The following ANKRD30A variants were observed in gnomAD, a reference collection of about 807,000 sequenced individuals.
The protein encoded by ANKRD30A is ankyrin repeat domain 30A, also known as ankyrin repeat domain-containing protein 30A.
ANKRD30A carries 170 observed loss-of-function variants against 166.3 expected under a neutral mutation model. The ratio of observed to expected loss-of-function variants is 1.02; its 90% CI spans 0.90 to 1.16. The LOEUF (loss-of-function observed/expected upper bound fraction) is 1.16, where lower values mean the gene tolerates loss of function less well. ANKRD30A is among the 50% of genes most tolerant of loss of function. ANKRD30A has a pLI of 0.00. For synonymous variants in ANKRD30A, 564 were observed against 508.9 expected, an observed-to-expected ratio of 1.11 and a Z score of -1.46; for missense variants, 1,630 against 1,518.0, an observed-to-expected ratio of 1.07 and a Z score of -1.23.
chr10:37,215,032 C>T (rs948017495), intron 31 of ANKRD30A, among the ~76,000 whole-genome samples: 11 of 151,422 alleles, frequency 7.3e-5, no homozygotes, highest in African/African-American at 2.7e-4. Context: ...CTTTCATCTC[C>T]GGCATTGTAA....
intron 13 of ANKRD30A, among the ~76,000 whole-genome samples, chr10:37,154,081 C>T (rs1838172890): frequency 6.6e-6 from 1 of 151,976 alleles, no homozygotes. Context: ...TATAAAGTGA[C>T]CTTCTAGTAT....
the ANKRD30A span, among the ~76,000 whole-genome samples, chr10:37,238,590 C>T: frequency 0.015 from 2,357 of 152,130 alleles, 26 homozygotes; most frequent in Middle Eastern, 0.045. Flanking sequence ...TGTTGAGAAA[C>T]GTGTTTGATA....
chr10:37,194,485 C>G (rs1490062816), intron 27 of ANKRD30A, among the ~76,000 whole-genome samples: 1 of 151,788 alleles, frequency 6.6e-6, no homozygotes, highest in Admixed American at 6.6e-5. Context: ...GGACTCCAGG[C>G]GCGTGCCACC....
chr10:37,149,686 A>C lies in ANKRD30A; in HGVS notation c.1572+7A>C. The C allele has an allele frequency of 6.2e-7, 1 of 1,612,410 alleles. No individual in the cohort carries two copies. The highest frequency in any genetic ancestry group is 1.7e-4 in the Middle Eastern group (1 of 6,052). On this transcript the variant is annotated splice_region_variant and intron_variant, in intron 10 of 35. Transcript: ENST00000361713. ...GAAGCCATCTGCCTTCAAGGTATTT[A>C]GTTTTATTATTTCATTTTGAATGAC... is the stretch of plus-strand genomic sequence containing the variant.
chr10:37,252,196 C>T, the ANKRD30A span, among the ~76,000 whole-genome samples: 4 of 152,126 alleles, frequency 2.6e-5, no homozygotes, highest in African/African-American at 9.7e-5. Context: ...GAAAAGAGAA[C>T]ATAGTTACCA....
intron 27 of ANKRD30A, among the ~76,000 whole-genome samples, chr10:37,193,963 G>A (rs1383901018): frequency 6.6e-6 from 1 of 152,144 alleles, no homozygotes; most frequent in African/African-American, 2.4e-5. Flanking sequence ...GGGAGAGAAA[G>A]GCAGACAGAT....
chr10:37,179,023 T>TATATATATATATATATATAA (rs1839967176), intron 24 of ANKRD30A, among the ~76,000 whole-genome samples: 1 of 18,158 alleles, frequency 5.5e-5, no homozygotes, highest in African/African-American at 1.5e-4. Context: ...AATATATATA[T>TATATATATATATATATATAA]ATATATATAT....
At position 37,141,817 on chromosome 10, in the gene ANKRD30A, C is replaced by T; in HGVS notation, c.920C>T (p.Ala307Val). 1 of 1,612,076 alleles carries T rather than the reference C, an allele frequency of 6.2e-7. No homozygotes were observed. Among genetic ancestry groups the T allele is most frequent in the Non-Finnish European group, 8.5e-7 (1 of 1,179,448 alleles). Residue 307 changes from alanine to valine, a missense_variant, in exon 7 of 36, where the codon GCA (alanine) becomes GTA (valine). Ala to Val is a moderately conservative substitution (Grantham distance 64). This residue lies in a region of ANKRD30A where 904 missense variants were observed against 818.5 expected (regional missense o/e 1.10). Coordinates refer to ENST00000361713, the MANE Select transcript of ANKRD30A (RefSeq NM_052997.3). ...SLVEKTPDEA[A>V]PLVERTPDTA... ...GTGGAAAAAACACCTGATGAGGCTG[C>T]ACCCTTGGTGGAAAGAACACCTGAC...
chr10:37,167,415 T>C (rs1245838115), intron 19 of ANKRD30A, among the ~76,000 whole-genome samples: 1 of 151,236 alleles, frequency 6.6e-6, no homozygotes, highest in Non-Finnish European at 1.5e-5. Flanking sequence ...AAAATTGCCA[T>C]TTTATAAAAC....
intron 25 of ANKRD30A, among the ~76,000 whole-genome samples, chr10:37,190,315 A>G (rs1220745454): frequency 6.6e-6 from 1 of 151,782 alleles, no homozygotes; most frequent in African/African-American, 2.4e-5. Context: ...CTGGGTTGCA[A>G]GAGGAGAGGC....
the ANKRD30A span, among the ~76,000 whole-genome samples, chr10:37,263,314 A>G: frequency 1.3e-5 from 2 of 152,048 alleles, no homozygotes; most frequent in African/African-American, 4.8e-5. Flanking sequence ...CAGTTATTCT[A>G]TGGACAAGGG....
chr10:37,255,230 A>G, the ANKRD30A span, among the ~76,000 whole-genome samples: 2 of 152,192 alleles, frequency 1.3e-5, no homozygotes, highest in Non-Finnish European at 2.9e-5. Context: ...TGTACACATG[A>G]ACATAGAGTG....
chr10:37,235,918 C>G (rs1004215568), downstream of ANKRD30A, among the ~76,000 whole-genome samples: 1 of 151,784 alleles, frequency 6.6e-6, no homozygotes. Flanking sequence ...TACAGGCGCC[C>G]GCCACCAAGC....
In ANKRD30A at chr10:37,217,600, A is replaced by G. The variant is rs886400690; in HGVS notation, c.3084-95A>G. ...AAAAATTCAAGAATATAGGAATTTT[A>G]TTGGACTAATAACCCAATATAGGAA... On this transcript the variant is annotated intron_variant, in intron 32 of 35. Transcript: ENST00000361713. 10 of 1,008,034 alleles carry G rather than the reference A, an allele frequency of 9.9e-6. No homozygotes were observed. In the Admixed American group the frequency reaches 3.3e-4, roughly 33 times the overall value. The allele number at this position is 1,008,034 out of a possible 1,614,324, so 62.4% of individuals were successfully genotyped here. A position where few individuals can be genotyped will look rare whatever the true frequency, so the allele number is the denominator to read the frequency against.
In ANKRD30A at chr10:37,142,131, G is replaced by T. The variant is rs1837185280; in HGVS notation, c.1234G>T (p.Gly412Ter). 1 of 1,613,808 alleles carries T rather than the reference G, an allele frequency of 6.2e-7. No homozygotes were observed. The highest frequency in any genetic ancestry group is 8.5e-7 in the Non-Finnish European group (1 of 1,180,010). The change falls in exon 7 of 36, where the codon GGA becomes TGA. Residue 412 changes from glycine to a stop codon, truncating the protein, a stop_gained. Coordinates refer to ENST00000361713, the MANE Select transcript of ANKRD30A (RefSeq NM_052997.3). LOFTEE classifies it high-confidence loss of function. ...TSEKFTWAAKGRPRKIAWEKK... is the reference protein window; with the variant it reads ...TSEKFTWAAK ...TGAGAAATTTACGTGGGCAGCAAAA[G>T]GAAGACCTAGGAAGATCGCATGGGA...
the ANKRD30A span, among the ~76,000 whole-genome samples, chr10:37,260,129 A>G: frequency 2.6e-5 from 3 of 116,452 alleles, no homozygotes; most frequent in African/African-American, 9.7e-5. Context: ...TCCATTATAA[A>G]AAGGACAAAA....
At chr10:37,190,497 G>A (rs1471922206) in intron 25 of ANKRD30A, among the ~76,000 whole-genome samples, 6 of 151,778 alleles carry the variant, frequency 4.0e-5, no homozygotes, top group Non-Finnish European at 8.8e-5. Context: ...ACTCCTCAAA[G>A]TAAAAGGAAA....
chr10:37,152,051 C>A lies in ANKRD30A; in HGVS notation c.1646-9C>A. ...TGTCATGAATGTTTCTGTGATTAAC[C>A]TTTTATAGATCCGATGTTCCCACCA... On this transcript the variant is annotated splice_polypyrimidine_tract_variant and intron_variant, in intron 11 of 35. Transcript: ENST00000361713. 1 of 1,603,310 alleles carries A rather than the reference C, an allele frequency of 6.2e-7. No homozygotes were observed. Among genetic ancestry groups the A allele is most frequent in the Non-Finnish European group, 8.5e-7 (1 of 1,173,610 alleles).
Position 37,201,231 on chromosome 10 carries a change from A to G in ANKRD30A, c.2779-4A>G. On this transcript the variant is annotated splice_polypyrimidine_tract_variant and splice_region_variant and intron_variant, in intron 30 of 35. Coordinates refer to ENST00000361713, the MANE Select transcript of ANKRD30A (RefSeq NM_052997.3). ...AAATTATTTATTGATATTACTTTTA[A>G]CAGAGTCTCCGTGAGACTGTTTCAC... 1 of 1,541,566 alleles carries G rather than the reference A, an allele frequency of 6.5e-7. No homozygotes were observed. The highest frequency in any genetic ancestry group is 8.7e-7 in the Non-Finnish European group (1 of 1,147,196).
Sources: allele counts gnomAD v4.1 joint callset (sites outside exome capture counted in the v4.1 genomes callset), GRCh38; gene constraint gnomAD v4.1.1; regional missense constraint gnomAD v4.1.1; transcripts MANE v1.5; gene names NCBI Gene and HGNC (gene_info 2026-07-23, HGNC 2026-07-21).